Variants in ARID2 observed in about 807,000 individuals in gnomAD.
The protein encoded by ARID2 is AT-rich interaction domain 2, also known as AT-rich interactive domain-containing protein 2.
Under a neutral mutation model 184.6 loss-of-function variants are expected in ARID2, and 32 were observed. That is an observed-to-expected ratio of 0.17 (90% CI 0.13 to 0.23). The LOEUF (loss-of-function observed/expected upper bound fraction) is 0.23. Among genes scored for constraint, ARID2 ranks in the 10% least tolerant of loss-of-function variants. The pLI is 1.00. For missense variants in ARID2, 1,696 were observed against 2,197.6 expected, an observed-to-expected ratio of 0.77 and a Z score of 4.56; for synonymous variants, 836 against 772.6, an observed-to-expected ratio of 1.08 and a Z score of -1.36.
intron 13 of ARID2, 54 bp downstream of exon 13, chr12:45,849,024 T>G: frequency 4.9e-4 from 745 of 1,507,006 alleles, no homozygotes; most frequent in Non-Finnish European, 6.0e-4. Flanking sequence ...ACAACATCTC[T>G]TGCTCTTTAA....
intron 3 of ARID2, among the ~76,000 whole-genome samples, chr12:45,798,685 T>C (rs1942437431): frequency 6.6e-6 from 1 of 152,156 alleles, no homozygotes. Flanking sequence ...TTTTGGTTGC[T>C]TAATATCTAT....
At chr12:45,823,139 T>C (rs763795853) in intron 6 of ARID2, among the ~76,000 whole-genome samples, 45 of 152,018 alleles carry the variant, frequency 3.0e-4, no homozygotes, top group Non-Finnish European at 5.7e-4. Flanking sequence ...CGCAATGGAA[T>C]AAAAGTAGAA....
intron 12 of ARID2, among the ~76,000 whole-genome samples, chr12:45,847,547 A>G (rs555183414): frequency 6.6e-6 from 1 of 152,246 alleles, no homozygotes; most frequent in Non-Finnish European, 1.5e-5. Context: ...TGTTATGGAT[A>G]GTTGCCTCAA....
At chr12:45,765,394 A>G (rs1269338044) in intron 3 of ARID2, among the ~76,000 whole-genome samples, 1 of 151,990 alleles carries the variant, frequency 6.6e-6, no homozygotes, top group Non-Finnish European at 1.5e-5. Context: ...AACTATTTGT[A>G]GAGATGGTGT....
intron 3 of ARID2, among the ~76,000 whole-genome samples, chr12:45,753,314 T>C (rs972223434): frequency 6.6e-6 from 1 of 151,620 alleles, no homozygotes; most frequent in Non-Finnish European, 1.5e-5. Flanking sequence ...AAAAAAAGTG[T>C]TTCCCCCCTC....
At chr12:45,864,633 T>G (rs1324132879) in intron 16 of ARID2, among the ~76,000 whole-genome samples, 1 of 152,162 alleles carries the variant, frequency 6.6e-6, no homozygotes, top group Non-Finnish European at 1.5e-5. Flanking sequence ...GGTAGTTTGG[T>G]CCAAATATTT....
At chr12:45,732,963 A>T (rs1592041917) in intron 3 of ARID2, among the ~76,000 whole-genome samples, 1 of 152,256 alleles carries the variant, frequency 6.6e-6, no homozygotes, top group East Asian at 1.9e-4. Context: ...TTGGGAGGAT[A>T]TCATTAATTA....
intron 15 of ARID2, 50 bp downstream of exon 15, chr12:45,852,946 A>T (rs776247520): frequency 6.8e-7 from 1 of 1,477,726 alleles, no homozygotes; most frequent in Non-Finnish European, 8.9e-7. Flanking sequence ...TGATCTGTAA[A>T]TACAATTTTA....
Position 45,905,951 on chromosome 12 carries a change from T to TCTTTTTTTTTTTTTTTTTC in ARID2, c.*885_*886insTTTTTTCCTTTTTTTTTTT, listed in dbSNP as rs1944523486. On this transcript the variant is annotated 3_prime_UTR_variant, in exon 21 of 21. Transcript: ENST00000334344. ...TTTTTTTCTTTTTTCTTTTTTTTTT[T>TCTTTTTTTTTTTTTTTTTC]CTTTTTTTTTTTGTATTATACACCT... 1 of 226,880 alleles carries TCTTTTTTTTTTTTTTTTTC rather than the reference T, an allele frequency of 4.4e-6. No homozygotes were observed. Among genetic ancestry groups the TCTTTTTTTTTTTTTTTTTC allele is most frequent in the African/African-American group, 2.3e-5 (1 of 43,188 alleles). 14.1% of individuals were successfully genotyped at this position (226,880 alleles called of 1,614,324 possible).
intron 3 of ARID2, among the ~76,000 whole-genome samples, chr12:45,788,985 A>G (rs536279852): frequency 2.0e-5 from 3 of 152,288 alleles, no homozygotes; most frequent in Admixed American, 6.5e-5. Flanking sequence ...CTCTTAATTA[A>G]TTCTTCTAAC....
intron 3 of ARID2, among the ~76,000 whole-genome samples, chr12:45,735,200 CAT>C (rs911417259): frequency 2.6e-5 from 4 of 151,852 alleles, no homozygotes; most frequent in South Asian, 4.2e-4. Flanking sequence ...TGAATACACT[CAT>C]GTGTTCTCTA....
At chr12:45,826,286 T>TA (rs1647189561) in intron 6 of ARID2, among the ~76,000 whole-genome samples, 2 of 152,276 alleles carry the variant, frequency 1.3e-5, no homozygotes, top group Non-Finnish European at 2.9e-5. Flanking sequence ...TAGGAACCTA[T>TA]AATGTCTCTT....
chr12:45,749,785 C>T (rs1427719725), intron 3 of ARID2, among the ~76,000 whole-genome samples: 3 of 152,210 alleles, frequency 2.0e-5, no homozygotes, highest in Admixed American at 2.0e-4. Context: ...AAACCAACAA[C>T]CTTTGCTAGC....
chr12:45,858,664 A>T (rs1053401714), intron 15 of ARID2, among the ~76,000 whole-genome samples: 1 of 152,096 alleles, frequency 6.6e-6, no homozygotes, highest in Non-Finnish European at 1.5e-5. Flanking sequence ...CCATCATCTC[A>T]TAAGTTAGTT....
At chr12:45,817,548 TTTATA>T (rs1449544587) in intron 4 of ARID2, 117 bp from the exon 5 acceptor site, 5 of 246,090 alleles carry the variant, frequency 2.0e-5, no homozygotes, top group Non-Finnish European at 2.9e-5. Flanking sequence ...TATATATATA[TTTATA>T]TTATATTTTA....
At chr12:45,743,178 C>T (rs1011879551) in intron 3 of ARID2, among the ~76,000 whole-genome samples, 1 of 151,352 alleles carries the variant, frequency 6.6e-6, no homozygotes, top group Non-Finnish European at 1.5e-5. Flanking sequence ...ATAGTGAAAC[C>T]CCATCTCTAC....
chr12:45,823,379 A>G (rs1942934865), intron 6 of ARID2, among the ~76,000 whole-genome samples: 1 of 152,114 alleles, frequency 6.6e-6, no homozygotes, highest in Admixed American at 6.6e-5. Context: ...CAACCTAATG[A>G]TACACCTTAA....
rs547822300 is a variant in ARID2 at position 45,905,753 on chromosome 12, G to C, written c.*675G>C. 4.3e-6 allele frequency: 1 copy of C among 232,784 alleles called. No homozygotes were observed. The highest frequency in any genetic ancestry group is 2.2e-5 in the African/African-American group (1 of 45,296). The allele number at this position is 232,784 out of a possible 1,614,324, so 14.4% of individuals were successfully genotyped here. On this transcript the variant is annotated 3_prime_UTR_variant, in exon 21 of 21. Coordinates refer to ENST00000334344, the MANE Select transcript of ARID2 (RefSeq NM_152641.4). ...ACTGCAGCCACTGGAAATACATTCT[G>C]TGGTGTCCTAGAAGCATTATTGGTA...
At chr12:45,899,833 T>A (rs943654325) in intron 20 of ARID2, among the ~76,000 whole-genome samples, 2 of 150,196 alleles carry the variant, frequency 1.3e-5, no homozygotes, top group Admixed American at 6.7e-5. Flanking sequence ...CTAGTGCAAT[T>A]GCTTTCATAT....
Sources: gnomAD v4.1 joint callset for allele counts (sites outside exome capture counted in the v4.1 genomes callset) on GRCh38, gnomAD v4.1.1 for gene constraint, MANE v1.5 for transcripts, NCBI Gene and HGNC (gene_info 2026-07-23, HGNC 2026-07-21) for gene names.